Variants in DNAH10 observed in about 807,000 individuals in gnomAD.
DNAH10 encodes axonemal beta dynein heavy chain 10.
In DNAH10, 348 loss-of-function variants were observed where a neutral mutation model predicts 506.6. The ratio of observed to expected loss-of-function variants is 0.69; its 90% CI spans 0.63 to 0.75. The LOEUF (loss-of-function observed/expected upper bound fraction) is 0.75, where lower values mean the gene tolerates loss of function less well. DNAH10 is among the 30% of genes least tolerant of loss of function. The pLI, the probability that DNAH10 is intolerant of heterozygous loss-of-function variation, is 0.00. For missense variants in DNAH10, 5,179 were observed against 5,787.1 expected, an observed-to-expected ratio of 0.89 and a Z score of 3.41; for synonymous variants, 2,059 against 2,198.6, an observed-to-expected ratio of 0.94 and a Z score of 1.78.
At chr12:123,864,495 C>G in intron 39 of DNAH10, 100 bp from the exon 40 acceptor site, 1 of 1,480,806 alleles carries the variant, frequency 6.8e-7, no homozygotes, top group Non-Finnish European at 9.0e-7. Context: ...GGTAGAAAAC[C>G]CTGGGAAAAA....
intron 47 of DNAH10, 79 bp downstream of exon 47, chr12:123,875,570 G>T (rs10846567): frequency 0.51 from 799,414 of 1,566,530 alleles, 206,302 homozygotes; most frequent in African/African-American, 0.57. Context: ...ACTTATCCAT[G>T]TAGGCACAGC....
intron 29 of DNAH10, 119 bp from the exon 30 acceptor site, chr12:123,841,203 C>A: frequency 2.0e-6 from 2 of 1,015,564 alleles, no homozygotes; most frequent in Non-Finnish European, 3.1e-6. Flanking sequence ...CCTGCGATCT[C>A]GGCTCACCGG....
At chr12:123,782,332 T>TCCCCG in intron 6 of DNAH10, among the ~76,000 whole-genome samples, 1 of 80,588 alleles carries the variant, frequency 1.2e-5, no homozygotes, top group East Asian at 3.8e-4. Context: ...CTGCCCTGCC[T>TCCCCG]CCCCTCCCCT....
Position 123,853,348 on chromosome 12 carries a change from G to C in DNAH10, c.6434G>C (p.Arg2145Thr). 1.9e-6 allele frequency: 3 copies of C among 1,610,114 alleles called. No individual in the cohort carries two copies. Among genetic ancestry groups the C allele is most frequent in the Non-Finnish European group, 1.7e-6 (2 of 1,178,468 alleles). ...CTGAAGAGAGGCTCCTCTGACCTTA[G>C]GGAGGTAGGGGCCACGTGCTGGAAC... ...GELKRGSSDLREDVVLMRALR... is the reference protein window; with the variant it reads ...GELKRGSSDLTEDVVLMRALR... The change falls in exon 36 of 79, where the codon AGG becomes ACG. Residue 2145 changes from arginine (R) to threonine (T), a missense_variant. Arg to Thr is a moderately conservative substitution (Grantham distance 71, BLOSUM62 -1). Around this residue, in one of 3 missense-constraint regions of DNAH10, gnomAD observed 4,844 missense variants for 5,430.5 expected, o/e 0.89. Coordinates refer to ENST00000673944, the MANE Select transcript of DNAH10 (RefSeq NM_001372106.1). This position sits in a 1 kb window ranked among gnomAD's most constrained non-coding sequence, Gnocchi z 4.7.
rs549028768 is a variant in DNAH10 at position 123,846,336 on chromosome 12, G to A, written c.5814+182G>A. 2.0e-5 allele frequency among the ~76,000 whole-genome samples: 3 copies of A among 152,348 alleles called. No homozygotes were observed. The highest frequency in any genetic ancestry group is 3.9e-4 in the East Asian group (2 of 5,190). ...CACCATTTGGGATTGGCATGTAAGTGTGGCCGTGCTTAGCCACTGGTACAC... is the reference window on the plus strand; with the variant it reads ...CACCATTTGGGATTGGCATGTAAGTATGGCCGTGCTTAGCCACTGGTACAC... On this transcript the variant is annotated intron_variant, in intron 32 of 78. Coordinates refer to ENST00000673944, the MANE Select transcript of DNAH10 (RefSeq NM_001372106.1). This position sits in a 1 kb window ranked among gnomAD's most constrained non-coding sequence, Gnocchi z 4.5.
intron 60 of DNAH10, 134 bp from the exon 61 acceptor site, chr12:123,914,195 G>GA: frequency 1.2e-6 from 1 of 804,722 alleles, no homozygotes; most frequent in South Asian, 1.8e-5. Context: ...TCCTCACAAG[G>GA]AAAGAATATC....
intron 11 of DNAH10, among the ~76,000 whole-genome samples, chr12:123,790,393 A>G (rs1313187286): frequency 1.3e-5 from 2 of 152,194 alleles, no homozygotes; most frequent in African/African-American, 2.4e-5. Context: ...TGTCCAATAT[A>G]AGTTCACCTA....
chr12:123,804,515 G>A (rs1264993482), intron 17 of DNAH10, among the ~76,000 whole-genome samples: 2 of 148,468 alleles, frequency 1.3e-5, no homozygotes, highest in Non-Finnish European at 3.0e-5. Flanking sequence ...GTGACAGAGT[G>A]AGACTCCGTC....
chr12:123,920,178 G>A lies in DNAH10; in HGVS notation c.11506+1229G>A, dbSNP rs1382128700. On this transcript the variant is annotated intron_variant, in intron 65 of 78. Coordinates refer to ENST00000673944, the MANE Select transcript of DNAH10 (RefSeq NM_001372106.1). ...CCCTCACCTGGCAATGATTAGCTCT[G>A]GATTTGTTTATATGTAACACGGTTC... Among the ~76,000 whole-genome samples, 3 of 152,288 alleles carry A rather than the reference G, an allele frequency of 2.0e-5. No homozygotes were observed. The East Asian group carries it at 5.8e-4, about 29-fold the overall frequency.
intron 51 of DNAH10, among the ~76,000 whole-genome samples, chr12:123,884,701 G>A (rs1335539782): frequency 6.6e-6 from 1 of 152,176 alleles, no homozygotes; most frequent in Non-Finnish European, 1.5e-5. Context: ...GGAATTTTGT[G>A]TGTGTGTGTG....
rs886582447 is a variant in DNAH10 at position 123,903,202 on chromosome 12, G to A, written c.9815+89G>A. Reference sequence around the variant, plus strand: ...ATCGTGGCAACCAGGAGCTTACAAAGGAGCCGATGCCACATGCTGCCACTG... The same window carrying A: ...ATCGTGGCAACCAGGAGCTTACAAAAGAGCCGATGCCACATGCTGCCACTG... On this transcript the variant is annotated intron_variant, in intron 57 of 78. Coordinates refer to ENST00000673944, the MANE Select transcript of DNAH10 (RefSeq NM_001372106.1). This position sits in a 1 kb window ranked among gnomAD's most constrained non-coding sequence, Gnocchi z 4.6. 2.1e-6 allele frequency: 3 copies of A among 1,438,458 alleles called. No individual in the cohort carries two copies. Among genetic ancestry groups the A allele is most frequent in the African/African-American group, 2.9e-5 (2 of 69,690 alleles). 89.1% of individuals were successfully genotyped at this position (1,438,458 alleles called of 1,614,324 possible).
At chr12:123,886,412 G>A (rs1181936056) in intron 51 of DNAH10, among the ~76,000 whole-genome samples, 2 of 152,190 alleles carry the variant, frequency 1.3e-5, no homozygotes, top group African/African-American at 2.4e-5. Context: ...AGGTTTGCAG[G>A]CGACAGGCAG....
At chr12:123,823,089 G>A (rs528742369) in intron 24 of DNAH10, among the ~76,000 whole-genome samples, 1 of 152,348 alleles carries the variant, frequency 6.6e-6, no homozygotes, top group East Asian at 1.9e-4. Context: ...GAAGGAGAGT[G>A]GCCCACTGGC....
At chr12:123,895,388 A>G (rs566965589) in intron 54 of DNAH10, among the ~76,000 whole-genome samples, 96 of 152,374 alleles carry the variant, frequency 6.3e-4, no homozygotes, top group Non-Finnish European at 9.3e-4. Context: ...TCTGTACTCA[A>G]TAATAAATAA....
chr12:123,909,513 T>G lies in DNAH10; in HGVS notation c.9997+71T>G. On this transcript the variant is annotated intron_variant, in intron 58 of 78. Coordinates refer to ENST00000673944, the MANE Select transcript of DNAH10 (RefSeq NM_001372106.1). This position sits in a 1 kb window ranked among gnomAD's most constrained non-coding sequence, Gnocchi z 5.4. The stretch of plus-strand genomic sequence containing the variant: ...GGCATCTCAGGCTCTGGGACAGGGA[T>G]GGAGGGCAAGGAGGCTTGTCGTGGG... 1 of 1,480,524 alleles carries G rather than the reference T, an allele frequency of 6.8e-7. No homozygotes were observed. Among genetic ancestry groups the G allele is most frequent in the South Asian group, 1.4e-5 (1 of 71,968 alleles). The allele number at this position is 1,480,524 out of a possible 1,614,324, so 91.7% of individuals were successfully genotyped here.
At chr12:123,927,354 G>T in intron 69 of DNAH10, 1 of 167,572 alleles carries the variant, frequency 6.0e-6, no homozygotes, top group Admixed American at 6.4e-5. Flanking sequence ...ACGATGCTCA[G>T]GCTGTGCTGT....
chr12:123,798,917 C>A (rs1315996875), intron 13 of DNAH10, among the ~76,000 whole-genome samples: 2 of 149,306 alleles, frequency 1.3e-5, no homozygotes, highest in Admixed American at 6.7e-5. Flanking sequence ...ACCAGCCTGG[C>A]CAACATGGTG....
intron 13 of DNAH10, 45 bp from the exon 14 acceptor site, chr12:123,799,201 G>C (rs749240126): frequency 6.4e-7 from 1 of 1,555,918 alleles, no homozygotes; most frequent in Admixed American, 1.7e-5. Flanking sequence ...GATGAAAAAT[G>C]TTATTTTCAA....
At position 123,784,315 on chromosome 12, in the gene DNAH10, G is replaced by A. The variant is rs895073852; in HGVS notation, c.1230+138G>A. 2.8e-5 allele frequency: 24 copies of A among 845,584 alleles called. No homozygotes were observed. The African/African-American group carries it at 3.9e-4, about 14-fold the overall frequency. 52.4% of individuals were successfully genotyped at this position (845,584 alleles called of 1,614,324 possible). On this transcript the variant is annotated intron_variant, in intron 8 of 78. Coordinates refer to ENST00000673944, the MANE Select transcript of DNAH10 (RefSeq NM_001372106.1). The stretch of plus-strand genomic sequence containing the variant: ...TAATCCCAGCACTTTGGGAGGCTGA[G>A]GTGGGCAGATCGCTTGAGCTCAGGA...
Sources: gnomAD v4.1 joint callset for allele counts (sites outside exome capture counted in the v4.1 genomes callset) on GRCh38, gnomAD v4.1.1 for gene constraint, gnomAD v4.1.1 regional missense constraint, Gnocchi (gnomAD v3.1) non-coding constraint, MANE v1.5 for transcripts, NCBI Gene and HGNC (gene_info 2026-07-23, HGNC 2026-07-21) for gene names.